TUBGCP5: variants seen among roughly 807,000 people sequenced by gnomAD.
TUBGCP5 encodes gamma-tubulin complex component 5.
TUBGCP5 carries 98 observed loss-of-function variants against 134.7 expected under a neutral mutation model. The ratio of observed to expected loss-of-function variants is 0.73; its 90% CI spans 0.62 to 0.86. The LOEUF is 0.86. Among genes scored for constraint, TUBGCP5 ranks in the 40% least tolerant of loss-of-function variants. The pLI is 0.00. For synonymous variants in TUBGCP5, 456 were observed against 431.4 expected (o/e 1.06, Z -0.71); for missense variants, 1,150 against 1,244.8 (o/e 0.92, Z 1.15).
intron 18 of TUBGCP5, 175 bp downstream of exon 18, chr15:23,005,877 A>C (rs2064679623): frequency 1.4e-6 from 1 of 719,364 alleles, no homozygotes; most frequent in South Asian, 2.1e-5. Context: ...TGTCCATAAA[A>C]CTACTGCTAG....
chr15:23,002,482 G>C (rs1240633369), intron 21 of TUBGCP5, among the ~76,000 whole-genome samples: 1 of 152,184 alleles, frequency 6.6e-6, no homozygotes, highest in Non-Finnish European at 1.5e-5. Context: ...GTGCTAGAGG[G>C]AGCTGCTCCC....
At chr15:23,030,835 C>T (rs944881426) in intron 6 of TUBGCP5, 50 bp downstream of exon 6, 4 of 1,594,234 alleles carry the variant, frequency 2.5e-6, no homozygotes, top group Non-Finnish European at 3.4e-6. Context: ...GCCTTTCCTT[C>T]TAGGGAATTT....
At chr15:22,986,695 G>A (rs563885852) in intron 23 of TUBGCP5, among the ~76,000 whole-genome samples, 19 of 150,882 alleles carry the variant, frequency 1.3e-4, no homozygotes, top group East Asian at 5.9e-4. Context: ...CTGAGATTGC[G>A]CCACCGCACT....
intron 1 of TUBGCP5, among the ~76,000 whole-genome samples, chr15:23,038,449 C>T (rs1391423834): frequency 2.0e-5 from 3 of 152,070 alleles, no homozygotes; most frequent in African/African-American, 7.3e-5. Flanking sequence ...TATTGTATAA[C>T]CTATTTCACA....
Position 23,008,742 on chromosome 15 carries a change from G to A in TUBGCP5, c.2284C>T (p.Leu762Phe). 1.9e-6 allele frequency: 3 copies of A among 1,607,398 alleles called. No individual in the cohort carries two copies. The highest frequency in any genetic ancestry group is 2.5e-6 in the Non-Finnish European group (3 of 1,178,580). Residue 762 changes from leucine to phenylalanine, a missense_variant, in exon 16 of 23, where the codon CTC becomes TTC. Coordinates refer to ENST00000615383, the MANE Select transcript of TUBGCP5 (RefSeq NM_052903.6). The stretch of plus-strand genomic sequence containing the variant: ...TAACGCTGTCCTACTGCTTCTTGGA[G>A]TTGGACATTAAGAAAAGACACATTC... Reference protein sequence around the residue: ...WQNVSFLNVQLQEAVGQRYPE... With the variant: ...WQNVSFLNVQFQEAVGQRYPE...
At position 23,019,265 on chromosome 15, in the gene TUBGCP5, C is replaced by G. The variant is rs775005857; in HGVS notation, c.1441G>C (p.Val481Leu). 2 of 1,613,908 alleles carry G rather than the reference C, an allele frequency of 1.2e-6. No individual in the cohort carries two copies. The highest frequency in any genetic ancestry group is 1.7e-6 in the Non-Finnish European group (2 of 1,179,988). The change falls in exon 12 of 23, where the codon GTG (valine) becomes CTG (leucine). Residue 481 changes from valine (V) to leucine (L), a missense_variant. Physicochemically the swap from Val to Leu is conservative, Grantham distance 32. Coordinates refer to ENST00000615383, the MANE Select transcript of TUBGCP5 (RefSeq NM_052903.6). ...GCGCCATCCCACAGGTGCCCGTGCA[C>G]GATCCACTCGTCCACCGTCTGCAGG... ...PYLQTVDEWI[V>L]HGHLWDGARE...
intron 21 of TUBGCP5, among the ~76,000 whole-genome samples, chr15:23,001,943 T>C (rs1204546051): frequency 6.6e-6 from 1 of 152,170 alleles, no homozygotes; most frequent in Non-Finnish European, 1.5e-5. Flanking sequence ...ACATTGCTTC[T>C]ACAATTTTTC....
At chr15:23,009,888 C>G in intron 15 of TUBGCP5, 57 bp downstream of exon 15, 1 of 1,501,146 alleles carries the variant, frequency 6.7e-7, no homozygotes, top group Non-Finnish European at 9.1e-7. Flanking sequence ...ATAATCTCAA[C>G]TGTTCTTCAA....
intron 6 of TUBGCP5, among the ~76,000 whole-genome samples, chr15:23,029,887 A>AG (rs768285422): frequency 6.7e-6 from 1 of 148,928 alleles, no homozygotes; most frequent in Admixed American, 6.9e-5. Flanking sequence ...TCTCAAAAAA[A>AG]GGGGGTGGGG....
intron 21 of TUBGCP5, among the ~76,000 whole-genome samples, chr15:23,002,297 T>C (rs1388613278): frequency 1.3e-5 from 2 of 152,234 alleles, no homozygotes; most frequent in African/African-American, 2.4e-5. Flanking sequence ...TTTCGAATTA[T>C]ACTAGCACTC....
intron 7 of TUBGCP5, among the ~76,000 whole-genome samples, chr15:23,026,424 G>A (rs917425251): frequency 6.6e-6 from 1 of 152,064 alleles, no homozygotes; most frequent in Non-Finnish European, 1.5e-5. Context: ...TGCTGATTTA[G>A]GCAAATGTTT....
In TUBGCP5 at chr15:23,026,202, G is replaced by C; in HGVS notation, c.741C>G (p.Asp247Glu). ...ATGGATCACTGCTGTACAAGTGTTG[G>C]TCCCTATGAGACAGCAAACATAAAT... ...HLHSNLAAVW[D>E]QHLYSSDPLY... Residue 247 changes from aspartate to glutamate, a missense_variant, in exon 8 of 23, where the codon GAC becomes GAG. Coordinates refer to ENST00000615383, the MANE Select transcript of TUBGCP5 (RefSeq NM_052903.6). The C allele has an allele frequency of 6.2e-7, 1 of 1,612,760 alleles. No individual in the cohort carries two copies. The highest frequency in any genetic ancestry group is 8.5e-7 in the Non-Finnish European group (1 of 1,179,318).
chr15:22,993,829 GCCA>G (rs2063946369), intron 23 of TUBGCP5, among the ~76,000 whole-genome samples: 1 of 151,876 alleles, frequency 6.6e-6, no homozygotes, highest in South Asian at 2.1e-4. Flanking sequence ...ACAGGCGTGA[GCCA>G]CCGTGCCCAG....
chr15:23,004,897 T>C (rs2064612105), intron 19 of TUBGCP5, among the ~76,000 whole-genome samples: 1 of 152,186 alleles, frequency 6.6e-6, no homozygotes, highest in Non-Finnish European at 1.5e-5. Flanking sequence ...AAACCCCAAA[T>C]GCATACTGTC....
chr15:23,004,329 C>G, intron 19 of TUBGCP5, 102 bp from the exon 20 acceptor site: 8 of 1,385,810 alleles, frequency 5.8e-6, no homozygotes, highest in Non-Finnish European at 7.9e-6. Context: ...CTCTCAAATT[C>G]TTCCTTCAAT....
At chr15:23,039,068 G>A (rs1358292422) in intron 1 of TUBGCP5, among the ~76,000 whole-genome samples, 1 of 151,788 alleles carries the variant, frequency 6.6e-6, no homozygotes, top group East Asian at 1.9e-4. Flanking sequence ...GAGTTGCTAC[G>A]TTGCCCAAGC....
At chr15:23,027,940 A>G (rs4778483) in intron 6 of TUBGCP5, among the ~76,000 whole-genome samples, 5,511 of 152,182 alleles carry the variant, frequency 0.036, 248 homozygotes, top group African/African-American at 0.1. Flanking sequence ...ACCACTACGG[A>G]AGTCTCAGGA....
At chr15:23,018,424 T>C (rs756504941) in intron 12 of TUBGCP5, among the ~76,000 whole-genome samples, 2 of 152,166 alleles carry the variant, frequency 1.3e-5, no homozygotes, top group African/African-American at 4.8e-5. Flanking sequence ...AAAATGATGG[T>C]CAATCATCAC....
intron 4 of TUBGCP5, 146 bp from the exon 5 acceptor site, chr15:23,032,175 C>A (rs1162965259): frequency 3.4e-6 from 2 of 584,134 alleles, no homozygotes; most frequent in East Asian, 2.9e-5. Flanking sequence ...AAATTGATAT[C>A]CTAAAACATT....
Sources: allele counts gnomAD v4.1 joint callset (sites outside exome capture counted in the v4.1 genomes callset), GRCh38; gene constraint gnomAD v4.1.1; transcripts MANE v1.5; gene names NCBI Gene and HGNC (gene_info 2026-07-23, HGNC 2026-07-21).